IL17RD: variants seen among roughly 807,000 people sequenced by gnomAD.
IL17RD encodes interleukin 17 receptor D, also known as interleukin-17 receptor D.
A neutral mutation model predicts 80.5 loss-of-function variants in IL17RD; 52 were observed. That is an observed-to-expected ratio of 0.65 (90% CI 0.52 to 0.81). The LOEUF is 0.81. IL17RD is among the 40% of genes least tolerant of loss of function. IL17RD has a pLI of 0.00. For synonymous variants in IL17RD, 416 were observed against 391.8 expected (o/e 1.06, Z -0.73); for missense variants, 1,024 against 955.1 (o/e 1.07, Z -0.95).
At chr3:57,125,462 T>C (rs891950593) in intron 1 of IL17RD, among the ~76,000 whole-genome samples, 5 of 152,060 alleles carry the variant, frequency 3.3e-5, no homozygotes, top group Non-Finnish European at 7.4e-5. Flanking sequence ...TTGTGTGAGA[T>C]GACATATATC....
intron 1 of IL17RD, among the ~76,000 whole-genome samples, chr3:57,120,860 A>C (rs1017756445): frequency 2.6e-5 from 4 of 152,194 alleles, no homozygotes; most frequent in Admixed American, 2.6e-4. Flanking sequence ...CTTGGAATAC[A>C]TAGTGTGGGT....
At chr3:57,126,699 C>T (rs368006818) in intron 1 of IL17RD, among the ~76,000 whole-genome samples, 8 of 152,194 alleles carry the variant, frequency 5.3e-5, no homozygotes, top group South Asian at 4.1e-4. Flanking sequence ...CTAAATATAG[C>T]GCCCCTCTTC....
At chr3:57,109,882 T>C (rs1267878436) in intron 4 of IL17RD, among the ~76,000 whole-genome samples, 1 of 152,228 alleles carries the variant, frequency 6.6e-6, no homozygotes. Flanking sequence ...AAAGAACCCA[T>C]GGCTTGTTAA....
chr3:57,134,146 T>A (rs1707670496), intron 1 of IL17RD: 1 of 632,200 alleles, frequency 1.6e-6, no homozygotes, highest in Non-Finnish European at 3.0e-6. Flanking sequence ...ATGAGTATGC[T>A]CAGGTTTCAG....
chr3:57,165,360 T>C (rs2107551657), upstream of IL17RD: 4 of 1,159,136 alleles, frequency 3.5e-6, no homozygotes. Context: ...GAGTGGGCGG[T>C]GGCCGCGGCG....
rs1226923107 is a variant in IL17RD at position 57,091,185 on chromosome 3, G to C, written c.*5208C>G. ...TCATGAAATAAAGGTGATATCTATA[G>C]AGATGTGTAAAAATAGGATCTAAAA... is the stretch of plus-strand genomic sequence containing the variant. On this transcript the variant is annotated 3_prime_UTR_variant, in exon 13 of 13. Coordinates refer to ENST00000296318, the MANE Select transcript of IL17RD (RefSeq NM_017563.5). 2.6e-5 allele frequency: 4 copies of C among 152,606 alleles called. No individual in the cohort carries two copies. Among genetic ancestry groups the C allele is most frequent in the Non-Finnish European group, 5.9e-5 (4 of 68,044 alleles). The allele number at this position is 152,606 out of a possible 1,614,324, so 9.5% of individuals were successfully genotyped here. A position where few individuals can be genotyped will look rare whatever the true frequency, so the allele number is the denominator to read the frequency against.
At chr3:57,135,761 A>T (rs1001847236) in intron 1 of IL17RD, among the ~76,000 whole-genome samples, 1 of 152,192 alleles carries the variant, frequency 6.6e-6, no homozygotes, top group Non-Finnish European at 1.5e-5. Flanking sequence ...ATTCTTTCTA[A>T]GGGTCTTATC....
At chr3:57,161,926 G>A (rs1000445572) in intron 1 of IL17RD, among the ~76,000 whole-genome samples, 2 of 152,302 alleles carry the variant, frequency 1.3e-5, no homozygotes, top group South Asian at 2.1e-4. Flanking sequence ...ACCTGGCAAG[G>A]ACCCTAAGAG....
chr3:57,159,421 G>C (rs1352652393), intron 1 of IL17RD, among the ~76,000 whole-genome samples: 3 of 152,208 alleles, frequency 2.0e-5, no homozygotes, highest in African/African-American at 4.8e-5. Context: ...CATTTTAATA[G>C]AGCAAATAGT....
intron 8 of IL17RD, 86 bp from the exon 9 acceptor site, chr3:57,103,231 T>A (rs1706878500): frequency 2.5e-6 from 3 of 1,197,542 alleles, no homozygotes; most frequent in African/African-American, 1.5e-5. Flanking sequence ...CATTCATCTT[T>A]TCCATCAGTG....
At chr3:57,137,946 C>T (rs546102697) in intron 1 of IL17RD, among the ~76,000 whole-genome samples, 1 of 152,202 alleles carries the variant, frequency 6.6e-6, no homozygotes, top group Non-Finnish European at 1.5e-5. Context: ...TCATCAACTT[C>T]CCTACAGATC....
chr3:57,120,373 G>T, intron 1 of IL17RD, 60 bp from the exon 2 acceptor site: 1 of 1,223,120 alleles, frequency 8.2e-7, no homozygotes, highest in Non-Finnish European at 1.2e-6. Context: ...CCAACACAAA[G>T]CCCCATGGAG....
intron 1 of IL17RD, among the ~76,000 whole-genome samples, chr3:57,142,797 A>G (rs1197474738): frequency 6.6e-6 from 1 of 150,680 alleles, no homozygotes; most frequent in Non-Finnish European, 1.5e-5. Context: ...GCTTCATTTA[A>G]AAAAAAAAAC....
At chr3:57,110,565 G>A (rs946721382) in intron 3 of IL17RD, among the ~76,000 whole-genome samples, 1 of 152,138 alleles carries the variant, frequency 6.6e-6, no homozygotes, top group Middle Eastern at 3.2e-3. Flanking sequence ...AATACCTATT[G>A]CCTCTCTGGC....
At chr3:57,149,183 C>A (rs1198340400) in intron 1 of IL17RD, among the ~76,000 whole-genome samples, 7 of 151,736 alleles carry the variant, frequency 4.6e-5, no homozygotes, top group African/African-American at 9.7e-5. Context: ...GTCATCCCAG[C>A]TACATGGGAG....
intron 1 of IL17RD, among the ~76,000 whole-genome samples, chr3:57,161,503 T>C (rs2060304851): frequency 6.6e-6 from 1 of 152,244 alleles, no homozygotes. Context: ...GATGCCAGCA[T>C]CCTGGCTTCC....
intron 1 of IL17RD, among the ~76,000 whole-genome samples, chr3:57,143,029 G>T (rs1002330072): frequency 6.6e-6 from 1 of 152,152 alleles, no homozygotes; most frequent in Admixed American, 6.5e-5. Context: ...CATAAATAAA[G>T]TAGACAGAGA....
intron 1 of IL17RD, among the ~76,000 whole-genome samples, chr3:57,138,939 CAAAAAAAAAAAA>C (rs1026336884): frequency 2.5e-5 from 1 of 40,492 alleles, no homozygotes; most frequent in African/African-American, 9.2e-5. Context: ...AACTCCATCT[CAAAAAAAAAAAA>C]AAAAAAAAAA....
intron 1 of IL17RD, among the ~76,000 whole-genome samples, chr3:57,132,125 G>A (rs35663622): frequency 0.027 from 4,124 of 151,848 alleles, 76 homozygotes; most frequent in Middle Eastern, 0.054. Flanking sequence ...GGTTGTGACC[G>A]TAGTGAGCCG....
Sources: gnomAD v4.1 joint callset for allele counts (sites outside exome capture counted in the v4.1 genomes callset) on GRCh38, gnomAD v4.1.1 for gene constraint, MANE v1.5 for transcripts, NCBI Gene and HGNC (gene_info 2026-07-23, HGNC 2026-07-21) for gene names.